The following QRICH1 variants were observed in gnomAD, a reference collection of about 807,000 sequenced individuals.
The protein encoded by QRICH1 is transcriptional regulator QRICH1.
A neutral mutation model predicts 87.1 loss-of-function variants in QRICH1; 16 were observed. The ratio of observed to expected loss-of-function variants is 0.18; its 90% CI spans 0.12 to 0.28. The LOEUF is 0.28. Among genes scored for constraint, QRICH1 ranks in the 10% least tolerant of loss-of-function variants. The pLI is 1.00. For missense variants in QRICH1, 647 were observed against 951.7 expected, an observed-to-expected ratio of 0.68 and a Z score of 4.21; for synonymous variants, 367 against 368.4, an observed-to-expected ratio of 1.00 and a Z score of 0.05.
At chr3:49,077,680 T>C (rs559028379) in intron 1 of QRICH1, among the ~76,000 whole-genome samples, 20 of 152,308 alleles carry the variant, frequency 1.3e-4, no homozygotes, top group Non-Finnish European at 2.1e-4. Flanking sequence ...TCCTTTATTA[T>C]GTAACTCTAG....
chr3:49,078,386 C>CTTTTT lies in QRICH1; in HGVS notation c.-21-1353_-21-1349dup, dbSNP rs60933196. ...TGTGGAAAACGAAGAATTATGGTTCCTTTTTTTTTTTTTTTTTTTTTTTTT... is the reference window on the plus strand; with the variant it reads ...TGTGGAAAACGAAGAATTATGGTTCCTTTTTTTTTTTTTTTTTTTTTTTTTTTTTT... On this transcript the variant is annotated intron_variant, in intron 1 of 9. Transcript: ENST00000395443. Among the ~76,000 whole-genome samples, 68 of 69,848 alleles carry CTTTTT rather than the reference C, an allele frequency of 9.7e-4. 4 individuals carry two copies. The highest frequency in any genetic ancestry group is 1.3e-3 in the Non-Finnish European group (53 of 39,288). 45.8% of individuals were successfully genotyped at this position (69,848 alleles called of 152,430 possible).
At chr3:49,084,846 T>C (rs1425507673) in intron 1 of QRICH1, among the ~76,000 whole-genome samples, 1 of 152,146 alleles carries the variant, frequency 6.6e-6, no homozygotes, top group East Asian at 1.9e-4. Flanking sequence ...TGTTAAACAC[T>C]CTTCTGAATT....
At chr3:49,088,607 G>A (rs890974303) in intron 1 of QRICH1, among the ~76,000 whole-genome samples, 2 of 149,290 alleles carry the variant, frequency 1.3e-5, no homozygotes, top group African/African-American at 4.9e-5. Context: ...CACTGCACCA[G>A]GCTTTTGTCT....
rs760618268 is a variant in QRICH1 at position 49,057,090 on chromosome 3, G to A, written c.1110C>T (p.Asn370=). 2.5e-6 allele frequency: 4 copies of A among 1,614,216 alleles called. No homozygotes were observed. The highest frequency in any genetic ancestry group is 3.4e-6 in the Non-Finnish European group (4 of 1,180,042). ...KMVGTTSVVK[N]SHEEVVQTLA... is the part of the protein sequence containing the mutation. Reference sequence around the variant, plus strand: ...GGGTCTGCACTACCTCTTCATGGGAGTTTTTCACTACAGATGTGGTGCCCA... The same window carrying A: ...GGGTCTGCACTACCTCTTCATGGGAATTTTTCACTACAGATGTGGTGCCCA... Residue 370 remains asparagine (N), a synonymous_variant, in exon 3 of 10, where the codon AAC becomes AAT. Coordinates refer to ENST00000395443, the MANE Select transcript of QRICH1 (RefSeq NM_198880.3). The surrounding 1 kb of genome is among the most constrained non-coding windows in gnomAD (Gnocchi z 5.4).
intron 2 of QRICH1, among the ~76,000 whole-genome samples, chr3:49,067,286 G>A (rs1318079722): frequency 1.3e-5 from 2 of 152,046 alleles, no homozygotes; most frequent in African/African-American, 2.4e-5. Context: ...TAAATTTAAC[G>A]GCTGGGTGCG....
At chr3:49,059,822 A>G (rs2093424704) in intron 2 of QRICH1, among the ~76,000 whole-genome samples, 1 of 151,240 alleles carries the variant, frequency 6.6e-6, no homozygotes, top group African/African-American at 2.4e-5. Context: ...GATTCAAGCT[A>G]TTCTCCTGCC....
chr3:49,069,097 TATTATTA>T (rs1226796655), intron 2 of QRICH1, among the ~76,000 whole-genome samples: 1 of 86,448 alleles, frequency 1.2e-5, no homozygotes, highest in African/African-American at 5.1e-5. Flanking sequence ...TTATTATTAT[TATTATTA>T]TTATTTTTTT....
chr3:49,044,523 A>G lies in QRICH1; in HGVS notation c.1672-19T>C. 6.6e-7 allele frequency: 1 copy of G among 1,518,742 alleles called. No individual in the cohort carries two copies. Among genetic ancestry groups the G allele is most frequent in the Non-Finnish European group, 9.1e-7 (1 of 1,095,918 alleles). 94.1% of individuals were successfully genotyped at this position (1,518,742 alleles called of 1,614,324 possible). A position where few individuals can be genotyped will look rare whatever the true frequency, so the allele number is the denominator to read the frequency against. The stretch of plus-strand genomic sequence containing the variant: ...AAAGATACTAAAAGAAAAACAATTA[A>G]TAGAAGTTATTGGTAGTCTCCTGAA... On this transcript the variant is annotated intron_variant, in intron 5 of 9. Transcript: ENST00000395443.
chr3:49,059,582 G>C lies in QRICH1; in HGVS notation c.310-1692C>G, dbSNP rs373264520. ...CTACAGACGCATGCCACCACCCCCA[G>C]CTAATTTCTGTATTTTTAGTAGAGA... On this transcript the variant is annotated intron_variant, in intron 2 of 9. Transcript: ENST00000395443. Among the ~76,000 whole-genome samples the C allele has an allele frequency of 1.2e-4, 18 of 151,078 alleles. No individual in the cohort carries two copies. In the East Asian group the frequency reaches 2.6e-3, roughly 22 times the overall value.
chr3:49,045,349 A>AACCAAAAAAAC (rs2093333254), intron 5 of QRICH1, among the ~76,000 whole-genome samples: 1 of 142,710 alleles, frequency 7.0e-6, no homozygotes, highest in African/African-American at 2.6e-5. Flanking sequence ...AAAAAAAAAA[A>AACCAAAAAAAC]GTCAAGGTAA....
chr3:49,033,263 T>C, intron 6 of QRICH1, 35 bp from the exon 7 acceptor site: 1 of 1,361,906 alleles, frequency 7.3e-7, no homozygotes, highest in South Asian at 1.6e-5. Context: ...AACAAGAGGA[T>C]GGCAGGTGGT....
chr3:49,053,094 A>T (rs577566148), intron 3 of QRICH1, among the ~76,000 whole-genome samples: 1 of 152,292 alleles, frequency 6.6e-6, no homozygotes, highest in Non-Finnish European at 1.5e-5. Context: ...AACATGTATG[A>T]TTCAGAGAGA....
chr3:49,094,351 C>T (rs1429425460), upstream of QRICH1: 1 of 281,154 alleles, frequency 3.6e-6, no homozygotes, highest in Non-Finnish European at 6.6e-6. Context: ...CGTCGCCCGC[C>T]AGAGCCTCCT....
intron 3 of QRICH1, among the ~76,000 whole-genome samples, chr3:49,050,753 A>T (rs920225771): frequency 1.3e-5 from 2 of 152,126 alleles, no homozygotes; most frequent in African/African-American, 4.8e-5. Flanking sequence ...TTTCTTTGAA[A>T]CAGTTCCATG....
chr3:49,073,027 A>G (rs2106964529), intron 2 of QRICH1, among the ~76,000 whole-genome samples: 1 of 151,544 alleles, frequency 6.6e-6, no homozygotes, highest in African/African-American at 2.4e-5. Context: ...GGGCAAGTGA[A>G]ATCCTGTCTC....
intron 3 of QRICH1, among the ~76,000 whole-genome samples, chr3:49,051,952 G>A (rs1334066368): frequency 6.6e-6 from 1 of 152,166 alleles, no homozygotes; most frequent in African/African-American, 2.4e-5. Context: ...TGCAACCCAG[G>A]TTGAAAGCTA....
intron 2 of QRICH1, among the ~76,000 whole-genome samples, chr3:49,058,620 C>T (rs778962471): frequency 6.6e-6 from 1 of 151,702 alleles, no homozygotes; most frequent in African/African-American, 2.4e-5. Context: ...GCCGAAACGG[C>T]CGGCATTTTT....
At chr3:49,039,148 G>C (rs1367988631) in intron 6 of QRICH1, among the ~76,000 whole-genome samples, 1 of 152,148 alleles carries the variant, frequency 6.6e-6, no homozygotes, top group Non-Finnish European at 1.5e-5. Context: ...CCTGAGGTCA[G>C]GAGTTCAAGA....
chr3:49,063,292 G>A (rs1364114671), intron 2 of QRICH1, among the ~76,000 whole-genome samples: 1 of 152,214 alleles, frequency 6.6e-6, no homozygotes, highest in Non-Finnish European at 1.5e-5. Flanking sequence ...AACAGCAGCA[G>A]CAGCATCCAG....
Sources: gnomAD v4.1 joint callset for allele counts (sites outside exome capture counted in the v4.1 genomes callset) on GRCh38, gnomAD v4.1.1 for gene constraint, Gnocchi (gnomAD v3.1) non-coding constraint, MANE v1.5 for transcripts, NCBI Gene and HGNC (gene_info 2026-07-23, HGNC 2026-07-21) for gene names.